Variants in IL17RD observed in about 807,000 individuals in gnomAD.
The protein encoded by IL17RD is interleukin 17 receptor D, also known as interleukin-17 receptor D.
IL17RD carries 52 observed loss-of-function variants against 80.5 expected under a neutral mutation model. That is an observed-to-expected ratio of 0.65 (90% CI 0.52 to 0.81). IL17RD has a LOEUF of 0.81. Among genes scored for constraint, IL17RD ranks in the 40% least tolerant of loss-of-function variants. The probability of loss-of-function intolerance (pLI) is 0.00; values close to 1 mark genes in which losing one functional copy is unlikely to be tolerated. For synonymous variants in IL17RD, 416 were observed against 391.8 expected (o/e 1.06, Z -0.73); for missense variants, 1,024 against 955.1 (o/e 1.07, Z -0.95).
chr3:57,138,038 T>C (rs985668422), intron 1 of IL17RD, among the ~76,000 whole-genome samples: 1 of 152,222 alleles, frequency 6.6e-6, no homozygotes, highest in African/African-American at 2.4e-5. Flanking sequence ...TACATTTATA[T>C]GCGGTATTTA....
chr3:57,109,451 C>A, intron 5 of IL17RD, 86 bp downstream of exon 5: 1 of 1,486,576 alleles, frequency 6.7e-7, no homozygotes, highest in African/African-American at 1.4e-5. Flanking sequence ...GGCCTTGGCA[C>A]GTTCTTGAAC....
At chr3:57,139,068 G>A (rs986854649) in intron 1 of IL17RD, among the ~76,000 whole-genome samples, 2 of 151,980 alleles carry the variant, frequency 1.3e-5, no homozygotes, top group Non-Finnish European at 2.9e-5. Flanking sequence ...TTTGGGGGGA[G>A]GGGAGAAATG....
chr3:57,146,549 G>A (rs1322421235), intron 1 of IL17RD, among the ~76,000 whole-genome samples: 1 of 151,962 alleles, frequency 6.6e-6, no homozygotes, highest in Admixed American at 6.5e-5. Flanking sequence ...TTGGGAGTTC[G>A]AGACCAGCCT....
chr3:57,114,344 TACGCCCTTGG>T (rs1707164961), intron 3 of IL17RD, among the ~76,000 whole-genome samples: 1 of 152,218 alleles, frequency 6.6e-6, no homozygotes, highest in Non-Finnish European at 1.5e-5. Flanking sequence ...GGATGGCCAT[TACGCCCTTGG>T]ATGGGCCATG....
rs1706567266 is a variant in IL17RD, at chr3:57,092,056, G to A, written c.*4337C>T. On this transcript the variant is annotated 3_prime_UTR_variant, in exon 13 of 13. Coordinates refer to ENST00000296318, the MANE Select transcript of IL17RD (RefSeq NM_017563.5). ...AACTGATATCTCAGTATCAGGAAAAGCTTTTCTCTGTATACTGTTTCACAC... is the reference window on the plus strand; with the variant it reads ...AACTGATATCTCAGTATCAGGAAAAACTTTTCTCTGTATACTGTTTCACAC... 1 of 152,624 alleles carries A rather than the reference G, an allele frequency of 6.6e-6. No individual in the cohort carries two copies. Among genetic ancestry groups the A allele is most frequent in the Non-Finnish European group, 1.5e-5 (1 of 68,036 alleles). 9.5% of individuals were successfully genotyped at this position (152,624 alleles called of 1,614,324 possible).
rs1707910454 is a variant in IL17RD at position 57,145,637 on chromosome 3, T to C, written c.126+19524A>G. Among the ~76,000 whole-genome samples the C allele has an allele frequency of 1.3e-5, 2 of 152,126 alleles. 1 individual carries two copies. The highest frequency in any genetic ancestry group is 4.2e-4 in the South Asian group (2 of 4,818). ...CAGGTGCAAGGGGCAAGTGTCTAGG[T>C]AGCAAAAGAGGTGGGCAACTCAATA... On this transcript the variant is annotated intron_variant, in intron 1 of 12. Coordinates refer to ENST00000296318, the MANE Select transcript of IL17RD (RefSeq NM_017563.5).
At chr3:57,107,150 G>T (rs868851028) in intron 5 of IL17RD, among the ~76,000 whole-genome samples, 2 of 152,182 alleles carry the variant, frequency 1.3e-5, no homozygotes, top group South Asian at 4.2e-4. Flanking sequence ...AGGCTGAGGC[G>T]GGTGGATCAT....
chr3:57,139,762 C>T (rs1045782558), intron 1 of IL17RD, among the ~76,000 whole-genome samples: 1 of 152,194 alleles, frequency 6.6e-6, no homozygotes, highest in Admixed American at 6.5e-5. Flanking sequence ...ATCCGCCCAC[C>T]TCAGCCTTCC....
rs971604421 is a variant in IL17RD, at chr3:57,096,208, G to A, written c.*185C>T. The A allele has an allele frequency of 1.7e-6, 1 of 583,984 alleles. No homozygotes were observed. The highest frequency in any genetic ancestry group is 1.9e-5 in the African/African-American group (1 of 53,426). The allele number at this position is 583,984 out of a possible 1,614,324, so 36.2% of individuals were successfully genotyped here. A position where few individuals can be genotyped will look rare whatever the true frequency, so the allele number is the denominator to read the frequency against. ...GAGCTCCATATCATTTTAGAAAATT[G>A]GAGAGTTTGTCAAGATATCCGGTAA... is the stretch of plus-strand genomic sequence containing the variant. On this transcript the variant is annotated 3_prime_UTR_variant, in exon 13 of 13. Transcript: ENST00000296318.
rs1706571977 is a variant in IL17RD at position 57,092,226 on chromosome 3, ACAC to A, written c.*4164_*4166del. The A allele has an allele frequency of 6.6e-6, 1 of 152,606 alleles. No homozygotes were observed. The highest frequency in any genetic ancestry group is 2.1e-4 in the South Asian group (1 of 4,830). The allele number at this position is 152,606 out of a possible 1,614,324, so 9.5% of individuals were successfully genotyped here. On this transcript the variant is annotated 3_prime_UTR_variant, in exon 13 of 13. Coordinates refer to ENST00000296318, the MANE Select transcript of IL17RD (RefSeq NM_017563.5). Reference sequence around the variant, plus strand: ...TGTCTTGGCCTATGCTCAGAATTGCACACCACCTGAAAAAAATTATGCCAAGAG... The same window carrying A: ...TGTCTTGGCCTATGCTCAGAATTGCACACCTGAAAAAAATTATGCCAAGAG...
At chr3:57,136,641 C>CCAAA (rs1707735224) in intron 1 of IL17RD, among the ~76,000 whole-genome samples, 3 of 48,116 alleles carry the variant, frequency 6.2e-5, no homozygotes, top group South Asian at 1.8e-3. Flanking sequence ...AACCCCCACT[C>CCAAA]AAAAAAAAAA....
chr3:57,090,383 T>G lies in IL17RD; in HGVS notation c.*6010A>C, dbSNP rs1706526738. The G allele has an allele frequency of 6.5e-6, 1 of 152,990 alleles. No individual in the cohort carries two copies. The highest frequency in any genetic ancestry group is 2.4e-5 in the African/African-American group (1 of 41,498). The allele number at this position is 152,990 out of a possible 1,614,324, so 9.5% of individuals were successfully genotyped here. On this transcript the variant is annotated 3_prime_UTR_variant, in exon 13 of 13. Transcript: ENST00000296318. ...TGCTGTCTGGACTCACCATGCTTTT[T>G]TCTTGAGAGAAACATACCAAACTTT...
Position 57,114,828 on chromosome 3 carries a change from G to T in IL17RD, c.185-11C>A. 6.5e-7 allele frequency: 1 copy of T among 1,543,232 alleles called. No homozygotes were observed. ...AGTAGGTGGTACAATCTAGAGAGTAGGGAGAATGAGAACAGTTAAATTTAA... is the reference window on the plus strand; with the variant it reads ...AGTAGGTGGTACAATCTAGAGAGTATGGAGAATGAGAACAGTTAAATTTAA... On this transcript the variant is annotated splice_polypyrimidine_tract_variant and intron_variant, in intron 2 of 12. Transcript: ENST00000296318.
Position 57,098,239 on chromosome 3 carries a change from G to T in IL17RD, c.1464C>A (p.Val488=). ...VYFDYSCEGD[V]PGILDLSTKY... ...TGGTACTCAGGTCTAGGATACCGGG[G>T]ACGTCTCCCTCGCAGGAATAATCAA... Residue 488 remains valine (V), a synonymous_variant, in exon 12 of 13, where the codon GTC becomes GTA. Transcript: ENST00000296318. The T allele has an allele frequency of 6.2e-7, 1 of 1,613,932 alleles. No individual in the cohort carries two copies. Among genetic ancestry groups the T allele is most frequent in the Non-Finnish European group, 8.5e-7 (1 of 1,179,854 alleles).
intron 11 of IL17RD, among the ~76,000 whole-genome samples, chr3:57,100,218 C>T (rs13086176): frequency 0.62 from 93,637 of 152,174 alleles, 30,077 homozygotes; most frequent in Non-Finnish European, 0.7. Context: ...TTTTTCAGCA[C>T]GTGCTGATCC....
At chr3:57,167,498 G>A (rs887861508), upstream of IL17RD, among the ~76,000 whole-genome samples, 1 of 152,140 alleles carries the variant, frequency 6.6e-6, no homozygotes, top group Non-Finnish European at 1.5e-5. Flanking sequence ...ATGAGGCCAG[G>A]ACCATATGGG....
intron 2 of IL17RD, among the ~76,000 whole-genome samples, chr3:57,115,243 G>A (rs1281659958): frequency 6.6e-6 from 1 of 152,148 alleles, no homozygotes; most frequent in Non-Finnish European, 1.5e-5. Context: ...AAAACCTAGA[G>A]GGCCAGGTGA....
rs896888003 is a variant in IL17RD at position 57,165,288 on chromosome 3, GC to G, written c.-3del. The stretch of plus-strand genomic sequence containing the variant: ...GCAGAGCTGCAGCCACGGGGCCATG[GC>G]CGTGCGCTCGCCCAGCCAGGCCGTT... On this transcript the variant is annotated 5_prime_UTR_variant, in exon 1 of 13. Coordinates refer to ENST00000296318, the MANE Select transcript of IL17RD (RefSeq NM_017563.5). 9 of 1,464,162 alleles carry G rather than the reference GC, an allele frequency of 6.1e-6. No individual in the cohort carries two copies. The African/African-American group carries it at 1.0e-4, about 17-fold the overall frequency. 90.7% of individuals were successfully genotyped at this position (1,464,162 alleles called of 1,614,324 possible).
At position 57,098,294 on chromosome 3, in the gene IL17RD, G is replaced by A. The variant is rs746780914; in HGVS notation, c.1409C>T (p.Ala470Val). The A allele has an allele frequency of 1.7e-5, 28 of 1,613,882 alleles. No homozygotes were observed. In the South Asian group the frequency reaches 2.5e-4, roughly 15 times the overall value. ...KLRQAKQSSSAALSKFIAVYF... is the reference protein window; with the variant it reads ...KLRQAKQSSSVALSKFIAVYF... ...GACGGCGATAAACTTGCTGAGCGCCGCGGACGAACTCTGCTTGGCCTGGCG... is the reference window on the plus strand; with the variant it reads ...GACGGCGATAAACTTGCTGAGCGCCACGGACGAACTCTGCTTGGCCTGGCG... The change falls in exon 12 of 13, where the codon GCG becomes GTG. Residue 470 changes from alanine to valine, a missense_variant. Coordinates refer to ENST00000296318, the MANE Select transcript of IL17RD (RefSeq NM_017563.5).
Sources: gnomAD v4.1 joint callset for allele counts (sites outside exome capture counted in the v4.1 genomes callset) on GRCh38, gnomAD v4.1.1 for gene constraint, MANE v1.5 for transcripts, NCBI Gene and HGNC (gene_info 2026-07-23, HGNC 2026-07-21) for gene names.